Variants in HPSE2 observed in about 807,000 individuals in gnomAD.
HPSE2 encodes the protein inactive heparanase-2.
A neutral mutation model predicts 60.5 loss-of-function variants in HPSE2; 38 were observed. The ratio of observed to expected loss-of-function variants is 0.63; its 90% confidence interval spans 0.48 to 0.82. HPSE2 has a LOEUF of 0.82. HPSE2 is among the 40% of genes least tolerant of loss of function. The pLI, the probability that HPSE2 is intolerant of heterozygous loss-of-function variation, is 0.00. For missense variants in HPSE2, 713 were observed against 740.4 expected, an observed-to-expected ratio of 0.96 and a Z score of 0.43; for synonymous variants, 295 against 293.2, an observed-to-expected ratio of 1.01 and a Z score of -0.06.
At chr10:98,821,521 G>A (rs1951423291) in intron 3 of HPSE2, among the ~76,000 whole-genome samples, 1 of 152,150 alleles carries the variant, frequency 6.6e-6, no homozygotes, top group Non-Finnish European at 1.5e-5. Context: ...CATGCAGCAC[G>A]TGACTATAGT....
chr10:99,090,596 T>C (rs2135596317), intron 3 of HPSE2, among the ~76,000 whole-genome samples: 1 of 152,158 alleles, frequency 6.6e-6, no homozygotes, highest in South Asian at 2.1e-4. Flanking sequence ...AATAAATGAG[T>C]AGGATAAGAA....
At chr10:98,703,310 A>C (rs979608792) in intron 5 of HPSE2, among the ~76,000 whole-genome samples, 1 of 152,176 alleles carries the variant, frequency 6.6e-6, no homozygotes, top group African/African-American at 2.4e-5. Context: ...CAACCAAAAA[A>C]GGTCTAGGAC....
chr10:98,599,543 C>T (rs1945339761), intron 9 of HPSE2, among the ~76,000 whole-genome samples: 1 of 152,094 alleles, frequency 6.6e-6, no homozygotes, highest in African/African-American at 2.4e-5. Context: ...GAGTCTGGTC[C>T]CATGGGGGCC....
chr10:99,179,965 C>T (rs999106758), intron 2 of HPSE2, among the ~76,000 whole-genome samples: 5 of 152,152 alleles, frequency 3.3e-5, no homozygotes, highest in Non-Finnish European at 7.4e-5. Context: ...CACACATCTA[C>T]AACCATCTGA....
At chr10:99,274,660 G>T in the HPSE2 span, among the ~76,000 whole-genome samples, 1 of 152,122 alleles carries the variant, frequency 6.6e-6, no homozygotes. Flanking sequence ...AAAAAAGAGA[G>T]AGAACATTTC....
At chr10:98,746,900 C>A (rs995916777) in intron 3 of HPSE2, among the ~76,000 whole-genome samples, 1 of 151,778 alleles carries the variant, frequency 6.6e-6, no homozygotes, top group African/African-American at 2.4e-5. Context: ...GGTTAAGAAA[C>A]TGGCCAAACT....
intron 3 of HPSE2, among the ~76,000 whole-genome samples, chr10:99,081,535 A>G (rs1003903718): frequency 5.9e-5 from 9 of 152,076 alleles, no homozygotes; most frequent in African/African-American, 2.2e-4. Context: ...CTCGGCACTC[A>G]CTAGTAGCTC....
intron 4 of HPSE2, among the ~76,000 whole-genome samples, chr10:98,742,662 G>GC (rs560686735): frequency 9.2e-5 from 14 of 151,940 alleles, no homozygotes; most frequent in Non-Finnish European, 1.5e-4. Flanking sequence ...AATAACATAT[G>GC]TCACAAATAA....
intron 3 of HPSE2, among the ~76,000 whole-genome samples, chr10:99,060,442 T>C (rs1390660315): frequency 1.3e-5 from 2 of 152,072 alleles, no homozygotes; most frequent in African/African-American, 2.4e-5. Context: ...GCAGATCACC[T>C]GAAGTCAGGA....
intron 2 of HPSE2, among the ~76,000 whole-genome samples, chr10:99,182,114 A>G (rs1331484610): frequency 6.6e-6 from 1 of 152,238 alleles, no homozygotes; most frequent in Non-Finnish European, 1.5e-5. Context: ...TTAAGCCACC[A>G]AGTCTGTGGT....
chr10:98,731,261 A>G (rs377629908), intron 4 of HPSE2, among the ~76,000 whole-genome samples: 3 of 152,186 alleles, frequency 2.0e-5, no homozygotes, highest in East Asian at 3.9e-4. Flanking sequence ...TCTGGGCGAC[A>G]GAGTGAGACC....
chr10:99,067,461 C>T (rs1477699214), intron 3 of HPSE2, among the ~76,000 whole-genome samples: 1 of 152,230 alleles, frequency 6.6e-6, no homozygotes, highest in African/African-American at 2.4e-5. Context: ...CCTTTCCATA[C>T]ATCCTCTGAA....
At chr10:99,014,114 C>G (rs2135408298) in intron 3 of HPSE2, among the ~76,000 whole-genome samples, 1 of 152,314 alleles carries the variant, frequency 6.6e-6, no homozygotes, top group African/African-American at 2.4e-5. Context: ...GGCCAAAACC[C>G]AGGTCACCCT....
intron 2 of HPSE2, among the ~76,000 whole-genome samples, chr10:99,153,057 T>C (rs1042760386): frequency 3.3e-5 from 5 of 152,054 alleles, no homozygotes; most frequent in African/African-American, 1.2e-4. Flanking sequence ...CTTAAAAAAC[T>C]GCGCACCACG....
At chr10:98,918,805 T>C (rs1954198985) in intron 3 of HPSE2, among the ~76,000 whole-genome samples, 2 of 151,124 alleles carry the variant, frequency 1.3e-5, no homozygotes, top group Non-Finnish European at 2.9e-5. Context: ...ATTGTGCACA[T>C]GTACCCTAAA....
At chr10:98,768,244 T>C (rs533970711) in intron 3 of HPSE2, among the ~76,000 whole-genome samples, 1 of 152,178 alleles carries the variant, frequency 6.6e-6, no homozygotes, top group African/African-American at 2.4e-5. Flanking sequence ...TACACTTTTT[T>C]GTATAGTTTT....
chr10:98,620,743 G>A (rs1266350193), intron 7 of HPSE2, 35 bp from the exon 8 acceptor site: 21 of 1,404,150 alleles, frequency 1.5e-5, no homozygotes, highest in Non-Finnish European at 2.0e-5. Flanking sequence ...GGGATAACGA[G>A]GTTTTAAAAG....
intron 6 of HPSE2, among the ~76,000 whole-genome samples, chr10:98,669,091 T>C (rs1947442825): frequency 6.6e-6 from 1 of 152,026 alleles, no homozygotes; most frequent in Non-Finnish European, 1.5e-5. Context: ...AAGAGATGCT[T>C]ATCAAAAGAA....
chr10:99,232,800 G>C (rs1564911726), intron 1 of HPSE2, among the ~76,000 whole-genome samples: 1 of 152,258 alleles, frequency 6.6e-6, no homozygotes, highest in South Asian at 2.1e-4. Context: ...TTTGTTCATA[G>C]AGTGTTTGTA....
Sources: gnomAD v4.1 joint callset for allele counts (sites outside exome capture counted in the v4.1 genomes callset) on GRCh38, gnomAD v4.1.1 for gene constraint, MANE v1.5 for transcripts, NCBI Gene and HGNC (gene_info 2026-07-23, HGNC 2026-07-21) for gene names.